KCNMB2: variants seen among roughly 807,000 people sequenced by gnomAD.
The protein encoded by KCNMB2 is potassium calcium-activated channel subfamily M regulatory beta subunit 2.
Under a neutral mutation model 24.5 loss-of-function variants are expected in KCNMB2, and 9 were observed. The ratio of observed to expected loss-of-function variants is 0.37; its 90% CI spans 0.22 to 0.64. The LOEUF (loss-of-function observed/expected upper bound fraction) is 0.64. Among genes scored for constraint, KCNMB2 ranks in the 30% least tolerant of loss-of-function variants. KCNMB2 has a pLI of 0.63. For synonymous variants in KCNMB2, 109 were observed against 104.4 expected, an observed-to-expected ratio of 1.04 and a Z score of -0.27; for missense variants, 226 against 284.3, an observed-to-expected ratio of 0.79 and a Z score of 1.47.
chr3:178,641,369 A>G (rs1719720440), intron 1 of KCNMB2, among the ~76,000 whole-genome samples: 1 of 152,174 alleles, frequency 6.6e-6, no homozygotes, highest in South Asian at 2.1e-4. Context: ...AGAGTTTTGT[A>G]GTTTTTCACA....
chr3:178,769,094 C>A (rs929717117), intron 1 of KCNMB2, among the ~76,000 whole-genome samples: 3 of 152,200 alleles, frequency 2.0e-5, no homozygotes, highest in Non-Finnish European at 2.9e-5. Context: ...ACTTGAAGTG[C>A]AAGACACTTT....
At chr3:178,666,846 C>T (rs1470560042) in intron 1 of KCNMB2, among the ~76,000 whole-genome samples, 1 of 152,094 alleles carries the variant, frequency 6.6e-6, no homozygotes, top group African/African-American at 2.4e-5. Flanking sequence ...ACTTGCAGTA[C>T]CTTAGAATGT....
intron 1 of KCNMB2, among the ~76,000 whole-genome samples, chr3:178,738,930 CT>C (rs1017210041): frequency 7.5e-5 from 11 of 147,614 alleles, no homozygotes; most frequent in African/African-American, 2.8e-4. Flanking sequence ...CAATGAATAC[CT>C]ACTGAATCAG....
At chr3:178,576,486 A>G (rs1172093717) in intron 1 of KCNMB2, among the ~76,000 whole-genome samples, 1 of 152,146 alleles carries the variant, frequency 6.6e-6, no homozygotes, top group African/African-American at 2.4e-5. Context: ...AAAACCAGCA[A>G]GACAAAACTG....
Position 178,730,407 on chromosome 3 carries a change from C to CG in KCNMB2, c.-67-76936_-67-76935insG, listed in dbSNP as rs371463559. ...CTTTGTCACTACTGTCCCCCAACAC[C>CG]CCCCCACACACACACACACACACAA... is the stretch of plus-strand genomic sequence containing the variant. On this transcript the variant is annotated intron_variant, in intron 1 of 4. Coordinates refer to ENST00000452583, the MANE Select transcript of KCNMB2 (RefSeq NM_181361.3). Among the ~76,000 whole-genome samples the CG allele has an allele frequency of 8.9e-3, 1,228 of 138,750 alleles. 56 individuals carry two copies. Among genetic ancestry groups the CG allele is most frequent in the African/African-American group, 0.031 (1,143 of 37,020 alleles). The allele number at this position is 138,750 out of a possible 152,430, so 91.0% of individuals were successfully genotyped here. A position where few individuals can be genotyped will look rare whatever the true frequency, so the allele number is the denominator to read the frequency against.
At chr3:178,609,291 G>C (rs1019037806) in intron 1 of KCNMB2, among the ~76,000 whole-genome samples, 1 of 152,042 alleles carries the variant, frequency 6.6e-6, no homozygotes, top group Admixed American at 6.6e-5. Context: ...GACTTCTTTT[G>C]AGAAATGTCT....
chr3:178,769,376 A>G (rs999609372), intron 1 of KCNMB2, among the ~76,000 whole-genome samples: 1 of 152,158 alleles, frequency 6.6e-6, no homozygotes, highest in Non-Finnish European at 1.5e-5. Context: ...AATGGGAAAG[A>G]CCAGCAACCC....
chr3:178,842,973 C>T lies in KCNMB2; in HGVS notation c.*36C>T. ...GGATAAAATAATTTTTGTTAAAGCTCAAATACTGTTTTCTTTCATTCTTCA... is the reference window on the plus strand; with the variant it reads ...GGATAAAATAATTTTTGTTAAAGCTTAAATACTGTTTTCTTTCATTCTTCA... On this transcript the variant is annotated 3_prime_UTR_variant, in exon 5 of 5. Coordinates refer to ENST00000452583, the MANE Select transcript of KCNMB2 (RefSeq NM_181361.3). The T allele has an allele frequency of 6.5e-7, 1 of 1,543,130 alleles. No individual in the cohort carries two copies. Among genetic ancestry groups the T allele is most frequent in the Non-Finnish European group, 8.8e-7 (1 of 1,131,768 alleles).
intron 1 of KCNMB2, among the ~76,000 whole-genome samples, chr3:178,622,118 A>G (rs1323372416): frequency 1.3e-5 from 2 of 152,242 alleles, no homozygotes; most frequent in Non-Finnish European, 2.9e-5. Flanking sequence ...GCATATAGGA[A>G]GTGGAGTATA....
rs566549081 is a variant in KCNMB2 at position 178,784,635 on chromosome 3, T to C, written c.-67-22708T>C. ...AATACTTCTCAAGAGTCTTTCACCA[T>C]AGAATCCAAGCAATTTGACCTGACC... On this transcript the variant is annotated intron_variant, in intron 1 of 4. Coordinates refer to ENST00000452583, the MANE Select transcript of KCNMB2 (RefSeq NM_181361.3). 7.9e-4 allele frequency among the ~76,000 whole-genome samples: 121 copies of C among 152,218 alleles called. 1 individual carries two copies. Among genetic ancestry groups the C allele is most frequent in the African/African-American group, 2.5e-3 (104 of 41,562 alleles).
chr3:178,740,157 C>T (rs146650372), intron 1 of KCNMB2, among the ~76,000 whole-genome samples: 2 of 150,888 alleles, frequency 1.3e-5, no homozygotes, highest in East Asian at 2.0e-4. Flanking sequence ...CTTGCTCTGT[C>T]GCCCAGGCTG....
intron 1 of KCNMB2, among the ~76,000 whole-genome samples, chr3:178,645,411 A>C (rs988490371): frequency 1.3e-5 from 2 of 152,158 alleles, no homozygotes; most frequent in East Asian, 1.9e-4. Flanking sequence ...CTCTGAAAGC[A>C]AACTCCTGAG....
intron 4 of KCNMB2, among the ~76,000 whole-genome samples, chr3:178,837,928 A>G (rs1255634739): frequency 1.3e-5 from 2 of 152,086 alleles, no homozygotes; most frequent in Non-Finnish European, 2.9e-5. Flanking sequence ...AAAAGGAAAA[A>G]CTTCACTTTC....
At chr3:178,628,262 G>C (rs1475459489) in intron 1 of KCNMB2, among the ~76,000 whole-genome samples, 1 of 152,104 alleles carries the variant, frequency 6.6e-6, no homozygotes, top group Non-Finnish European at 1.5e-5. Flanking sequence ...CTGAACAAAA[G>C]AAGACAAGAG....
intron 1 of KCNMB2, among the ~76,000 whole-genome samples, chr3:178,733,079 A>G (rs1162247013): frequency 6.6e-6 from 1 of 152,238 alleles, no homozygotes; most frequent in African/African-American, 2.4e-5. Context: ...TCCATAATAA[A>G]AAGTCATAAA....
At chr3:178,757,644 C>A (rs183854994) in intron 1 of KCNMB2, among the ~76,000 whole-genome samples, 5 of 31,776 alleles carry the variant, frequency 1.6e-4, no homozygotes, top group East Asian at 7.0e-4. Flanking sequence ...GTATATATAT[C>A]CAAGAGGATA....
chr3:178,568,076 T>C (rs1226788250), intron 1 of KCNMB2, among the ~76,000 whole-genome samples: 1 of 152,192 alleles, frequency 6.6e-6, no homozygotes, highest in Non-Finnish European at 1.5e-5. Flanking sequence ...TTTAATGTTA[T>C]AAAACAATGC....
At position 178,631,044 on chromosome 3, in the gene KCNMB2, T is replaced by G. The variant is rs548368244; in HGVS notation, c.-68+94333T>G. Among the ~76,000 whole-genome samples the G allele has an allele frequency of 5.6e-4, 85 of 152,322 alleles. 1 individual carries two copies. The highest frequency in any genetic ancestry group is 1.9e-3 in the African/African-American group (80 of 41,576). On this transcript the variant is annotated intron_variant, in intron 1 of 4. Transcript: ENST00000452583. ...AAGAAGTCAGACAACTTAATAAAAC[T>G]ATATAGCATTTTTAATACGGAGAAA...
At chr3:178,614,817 G>T (rs1340297736) in intron 1 of KCNMB2, among the ~76,000 whole-genome samples, 1 of 152,140 alleles carries the variant, frequency 6.6e-6, no homozygotes, top group Non-Finnish European at 1.5e-5. Context: ...TTCATGGATG[G>T]TATTGATGAT....
Sources: allele counts gnomAD v4.1 joint callset (sites outside exome capture counted in the v4.1 genomes callset), GRCh38; gene constraint gnomAD v4.1.1; transcripts MANE v1.5; gene names NCBI Gene and HGNC (gene_info 2026-07-23, HGNC 2026-07-21).